The following PPHLN1 variants were observed in gnomAD, a reference collection of about 807,000 sequenced individuals.
PPHLN1 encodes periphilin 1.
Under a neutral mutation model 51.3 loss-of-function variants are expected in PPHLN1, and 29 were observed. The observed-to-expected ratio is 0.57, with a 90% confidence interval of 0.42 to 0.77. The LOEUF is 0.77. Among genes scored for constraint, PPHLN1 ranks in the 30% least tolerant of loss-of-function variants. PPHLN1 has a pLI of 0.00. For synonymous variants in PPHLN1, 147 were observed against 147.8 expected, an observed-to-expected ratio of 0.99 and a Z score of 0.04; for missense variants, 436 against 438.4, an observed-to-expected ratio of 0.99 and a Z score of 0.05.
chr12:42,335,999 G>A, intron 2 of PPHLN1, 25 bp downstream of exon 2: 2 of 1,447,640 alleles, frequency 1.4e-6, no homozygotes, highest in Non-Finnish European at 1.9e-6. Context: ...CATATTGAAT[G>A]ATTCAAAAAC....
At chr12:42,412,782 C>A in intron 9 of PPHLN1, among the ~76,000 whole-genome samples, 1 of 152,156 alleles carries the variant, frequency 6.6e-6, no homozygotes, top group South Asian at 2.1e-4. Flanking sequence ...TCCACACCAA[C>A]ATTATTGTTT....
chr12:42,446,661 G>A (rs763528388), downstream of PPHLN1: 14 of 1,583,928 alleles, frequency 8.8e-6, no homozygotes, highest in Admixed American at 1.5e-4. Context: ...ATCTGTACTC[G>A]TCAATCAACA....
At chr12:42,344,529 T>C (rs1285087172) in intron 2 of PPHLN1, among the ~76,000 whole-genome samples, 1 of 152,076 alleles carries the variant, frequency 6.6e-6, no homozygotes, top group Non-Finnish European at 1.5e-5. Flanking sequence ...GATAAAAATG[T>C]TTGGGGGGGA....
chr12:42,395,320 C>T (rs1473274351), intron 8 of PPHLN1, among the ~76,000 whole-genome samples: 1 of 151,998 alleles, frequency 6.6e-6, no homozygotes, highest in Non-Finnish European at 1.5e-5. Context: ...GCACTGATAA[C>T]CATAATATGT....
chr12:42,420,180 T>A (rs1308040502), intron 9 of PPHLN1, among the ~76,000 whole-genome samples: 1 of 152,168 alleles, frequency 6.6e-6, no homozygotes, highest in Non-Finnish European at 1.5e-5. Context: ...ACCTACACAA[T>A]GGACTGAAAA....
At chr12:42,428,090 C>A (rs1173866147) in intron 9 of PPHLN1, among the ~76,000 whole-genome samples, 1 of 151,938 alleles carries the variant, frequency 6.6e-6, no homozygotes, top group Non-Finnish European at 1.5e-5. Context: ...TGGCCGTAAT[C>A]AAAAAAATCA....
At chr12:42,428,547 T>C (rs2081711661) in intron 9 of PPHLN1, among the ~76,000 whole-genome samples, 1 of 152,114 alleles carries the variant, frequency 6.6e-6, no homozygotes, top group African/African-American at 2.4e-5. Context: ...TTCTCACTCA[T>C]ATGTGGGAGC....
At position 42,441,492 on chromosome 12, in the gene PPHLN1, T is replaced by G. The variant is rs202148947; in HGVS notation, c.1087T>G (p.Phe363Val). ...AGAGTATGATACTTCCACTCAAGAT[T>G]TTGGAGAGCCTTTTTAGATTTTTCT... Reference protein sequence around the residue: ...IAEYDTSTQDFGEPF With the variant: ...IAEYDTSTQDVGEPF Residue 363 changes from phenylalanine to valine, a missense_variant, in exon 10 of 10, where the codon TTT becomes GTT. Phe to Val is a conservative substitution (Grantham distance 50). Coordinates refer to ENST00000358314, the MANE Select transcript of PPHLN1 (RefSeq NM_201439.2). The G allele has an allele frequency of 6.3e-7, 1 of 1,595,132 alleles. No individual in the cohort carries two copies. Among genetic ancestry groups the G allele is most frequent in the Non-Finnish European group, 8.5e-7 (1 of 1,172,894 alleles).
chr12:42,441,411 C>G lies in PPHLN1; in HGVS notation c.1006C>G (p.Gln336Glu). 6.2e-7 allele frequency: 1 copy of G among 1,613,700 alleles called. No homozygotes were observed. The highest frequency in any genetic ancestry group is 8.5e-7 in the Non-Finnish European group (1 of 1,179,968). Reference protein sequence around the residue: ...LEKSIQFALRQNLHEIGERCV... With the variant: ...LEKSIQFALRENLHEIGERCV... ...AAAGTCTATACAGTTTGCATTGAGGCAGAATTTACATGAAATAGGTGAGCG... is the reference window on the plus strand; with the variant it reads ...AAAGTCTATACAGTTTGCATTGAGGGAGAATTTACATGAAATAGGTGAGCG... The change falls in exon 10 of 10, where the codon CAG becomes GAG. Residue 336 changes from glutamine (Q) to glutamate (E), a missense_variant. Gln to Glu is a conservative substitution (Grantham distance 29, BLOSUM62 2). Transcript: ENST00000358314.
intron 9 of PPHLN1, among the ~76,000 whole-genome samples, chr12:42,418,373 A>AT (rs911702405): frequency 2.1e-4 from 31 of 150,754 alleles, no homozygotes; most frequent in African/African-American, 7.1e-4. Context: ...TATTGCAATA[A>AT]TTTTTTTTTC....
At chr12:42,399,588 C>T (rs1403926215) in intron 9 of PPHLN1, 6 of 226,674 alleles carry the variant, frequency 2.6e-5, no homozygotes, top group South Asian at 1.6e-4. Context: ...CTCTCTAGTG[C>T]GTTGAATAAA....
At chr12:42,360,822 A>T (rs1286338126) in intron 4 of PPHLN1, among the ~76,000 whole-genome samples, 1 of 152,010 alleles carries the variant, frequency 6.6e-6, no homozygotes, top group Non-Finnish European at 1.5e-5. Flanking sequence ...TATAGGCTGC[A>T]CATGTTGTTT....
chr12:42,346,216 A>G, intron 2 of PPHLN1, among the ~76,000 whole-genome samples: 1 of 151,988 alleles, frequency 6.6e-6, no homozygotes, highest in South Asian at 2.1e-4. Flanking sequence ...GTATTCCTTG[A>G]CTTACCATTC....
rs934233573 is a variant in PPHLN1 at position 42,428,807 on chromosome 12, G to C, written c.910-12508G>C. Among the ~76,000 whole-genome samples the C allele has an allele frequency of 7.5e-5, 11 of 146,252 alleles. No individual in the cohort carries two copies. In the East Asian group the frequency reaches 1.8e-3, roughly 24 times the overall value. ...TACTTAATTAAAAAAAATGAAGTTT[G>C]CCTTTTTAACTTCTTTTTTTTTTTT... On this transcript the variant is annotated intron_variant, in intron 9 of 9. Coordinates refer to ENST00000358314, the MANE Select transcript of PPHLN1 (RefSeq NM_201439.2).
chr12:42,446,179 G>T (rs1251532388), downstream of PPHLN1: 1 of 1,610,412 alleles, frequency 6.2e-7, no homozygotes, highest in Admixed American at 1.7e-5. Context: ...GGGGGATGCT[G>T]AAGAAGACAA....
intron 9 of PPHLN1, among the ~76,000 whole-genome samples, chr12:42,406,147 G>A (rs917829135): frequency 2.7e-5 from 4 of 149,952 alleles, no homozygotes; most frequent in Admixed American, 6.7e-5. Context: ...GCAGTGGTGC[G>A]TTCTTGGCTC....
chr12:42,355,598 A>T (rs977087475), intron 4 of PPHLN1: 1 of 161,840 alleles, frequency 6.2e-6, no homozygotes, highest in African/African-American at 2.4e-5. Flanking sequence ...AAAAGAAAAA[A>T]AAATTAGCTG....
Position 42,393,695 on chromosome 12 carries a change from G to T in PPHLN1, c.768+6G>T. ...CTGAAATTTCTGAGTATGAGGTAAGGCATAATGTCTCCTTTATGTTTCACA... is the reference window on the plus strand; with the variant it reads ...CTGAAATTTCTGAGTATGAGGTAAGTCATAATGTCTCCTTTATGTTTCACA... On this transcript the variant is annotated splice_donor_region_variant and intron_variant, in intron 8 of 9. Transcript: ENST00000358314. 1 of 1,581,374 alleles carries T rather than the reference G, an allele frequency of 6.3e-7. No homozygotes were observed. The highest frequency in any genetic ancestry group is 1.2e-5 in the South Asian group (1 of 84,998).
chr12:42,339,641 T>G (rs1256957352), intron 2 of PPHLN1, among the ~76,000 whole-genome samples: 1 of 152,210 alleles, frequency 6.6e-6, no homozygotes, highest in African/African-American at 2.4e-5. Flanking sequence ...GCACTTACAT[T>G]TGAGAATGAT....
Sources: gnomAD v4.1 joint callset for allele counts (sites outside exome capture counted in the v4.1 genomes callset) on GRCh38, gnomAD v4.1.1 for gene constraint, MANE v1.5 for transcripts, NCBI Gene and HGNC (gene_info 2026-07-23, HGNC 2026-07-21) for gene names.